Variants in SOS2 observed in about 807,000 individuals in gnomAD.
The protein encoded by SOS2 is SOS Ras/Rho guanine nucleotide exchange factor 2.
SOS2 carries 65 observed loss-of-function variants against 148.2 expected under a neutral mutation model. The observed-to-expected ratio is 0.44, with a 90% CI of 0.36 to 0.54. The LOEUF (loss-of-function observed/expected upper bound fraction) is 0.54, where lower values mean the gene tolerates loss of function less well. SOS2 is among the 20% of genes least tolerant of loss of function. SOS2 has a pLI of 0.00. For missense variants in SOS2, 1,341 were observed against 1,590.2 expected (o/e 0.84, Z 2.67); for synonymous variants, 539 against 537.1 (o/e 1.00, Z -0.05).
rs182051717 is a variant in SOS2, at chr14:50,145,668, A to G, written c.2385-72T>C. On this transcript the variant is annotated intron_variant, in intron 14 of 22. Transcript: ENST00000216373. The stretch of plus-strand genomic sequence containing the variant: ...TTACTTAAAGATCTTCTAAAACTTA[A>G]TAAGAAAAAGACAATTAACCCAAAA... 8.6e-4 allele frequency: 908 copies of G among 1,054,546 alleles called. 12 individuals are homozygous for G. In the East Asian group the frequency reaches 0.021, roughly 24 times the overall value. The allele number at this position is 1,054,546 out of a possible 1,614,324, so 65.3% of individuals were successfully genotyped here. A position where few individuals can be genotyped will look rare whatever the true frequency, so the allele number is the denominator to read the frequency against.
rs1884940423 is a variant in SOS2 at position 50,159,914 on chromosome 14, G to A, written c.1369C>T (p.Arg457Trp). 3 of 1,613,934 alleles carry A rather than the reference G, an allele frequency of 1.9e-6. No individual in the cohort carries two copies. The highest frequency in any genetic ancestry group is 1.3e-5 in the African/African-American group (1 of 74,900). The change falls in exon 10 of 23, where the codon CGG (arginine) becomes TGG (tryptophan). Residue 457 changes from arginine to tryptophan, a missense_variant. Around this residue, in one of 4 missense-constraint regions of SOS2, gnomAD observed 574 missense variants for 711.1 expected, o/e 0.81. Transcript: ENST00000216373. ...PLTRIGAKHE[R>W]HIFLFDGLMI... ...AAGCCATCAAACAGAAAAATATGCC[G>A]TTCATGTTTGGCACCGATTCTTGTC...
intron 14 of SOS2, among the ~76,000 whole-genome samples, chr14:50,146,625 C>G (rs201787286): frequency 1.3e-5 from 2 of 151,872 alleles, no homozygotes; most frequent in African/African-American, 4.8e-5. Context: ...CCAGCCTGGG[C>G]AACAGAGTGA....
At chr14:50,180,548 A>AAAACCTTAAATTTAAGTTT in intron 7 of SOS2, 24 bp downstream of exon 7, 1 of 1,076,706 alleles carries the variant, frequency 9.3e-7, no homozygotes, top group South Asian at 1.5e-5. Flanking sequence ...AAAAAAAAAA[A>AAAACCTTAAATTTAAGTTT]AAAAACCTTC....
At chr14:50,230,306 C>T (rs949359572) in intron 1 of SOS2, among the ~76,000 whole-genome samples, 6 of 152,142 alleles carry the variant, frequency 3.9e-5, no homozygotes, top group Non-Finnish European at 5.9e-5. Context: ...GAGACTAAGT[C>T]TGCATTAACG....
intron 9 of SOS2, among the ~76,000 whole-genome samples, chr14:50,160,943 T>C (rs1429499936): frequency 6.6e-6 from 1 of 151,992 alleles, no homozygotes; most frequent in Admixed American, 6.6e-5. Flanking sequence ...CCCAGGAGGT[T>C]GAGGCTGCTG....
At chr14:50,207,154 G>T (rs1160441322) in intron 1 of SOS2, among the ~76,000 whole-genome samples, 1 of 152,050 alleles carries the variant, frequency 6.6e-6, no homozygotes, top group Non-Finnish European at 1.5e-5. Context: ...TTTTTAAAAA[G>T]ATACTCTCCA....
At chr14:50,187,533 T>C (rs1204697867) in intron 5 of SOS2, among the ~76,000 whole-genome samples, 1 of 151,764 alleles carries the variant, frequency 6.6e-6, no homozygotes, top group African/African-American at 2.4e-5. Flanking sequence ...TATTTTTTAG[T>C]GGAGACGGGG....
chr14:50,168,510 C>T (rs762793535), intron 8 of SOS2, among the ~76,000 whole-genome samples: 1 of 152,244 alleles, frequency 6.6e-6, no homozygotes, highest in Admixed American at 6.5e-5. Context: ...ACATGAGCCA[C>T]TGTGCCTCGC....
In SOS2 at chr14:50,118,445, G is replaced by T; in HGVS notation, c.3898C>A (p.Pro1300Thr). Residue 1300 changes from proline (P) to threonine (T), a missense_variant, in exon 23 of 23, where the codon CCT (proline) becomes ACT (threonine). Transcript: ENST00000216373. ...PPVPPRQNSS[P>T]HLPKLPPKTY... ...TTTGGTGGCAGTTTTGGCAGATGAG[G>T]GCTTGAATTCTGCCTTGGTGGAACA... 6.2e-7 allele frequency: 1 copy of T among 1,614,090 alleles called. No individual in the cohort carries two copies. Among genetic ancestry groups the T allele is most frequent in the Non-Finnish European group, 8.5e-7 (1 of 1,179,986 alleles).
At position 50,118,225 on chromosome 14, in the gene SOS2, G is replaced by T; in HGVS notation, c.*119C>A. ...TTCTTAAAAGCTTATTTGATCAGTAGCATTTTTGTAAGAGCATTATTTGTA... is the reference window on the plus strand; with the variant it reads ...TTCTTAAAAGCTTATTTGATCAGTATCATTTTTGTAAGAGCATTATTTGTA... On this transcript the variant is annotated 3_prime_UTR_variant, in exon 23 of 23. Coordinates refer to ENST00000216373, the MANE Select transcript of SOS2 (RefSeq NM_006939.4). 2.4e-6 allele frequency: 2 copies of T among 824,618 alleles called. No individual in the cohort carries two copies. The highest frequency in any genetic ancestry group is 3.8e-6 in the Non-Finnish European group (2 of 532,282). The allele number at this position is 824,618 out of a possible 1,614,324, so 51.1% of individuals were successfully genotyped here.
chr14:50,180,657 G>A lies in SOS2; in HGVS notation c.884C>T (p.Thr295Ile). 6.3e-7 allele frequency: 1 copy of A among 1,593,068 alleles called. No individual in the cohort carries two copies. The highest frequency in any genetic ancestry group is 8.5e-7 in the Non-Finnish European group (1 of 1,169,606). ...AEEQAFDPYE[T>I]LSQDILSPEF... Reference sequence around the variant, plus strand: ...TGGTGAAAGAATGTCCTGTGATAATGTTTCATAAGGATCAAATGCTTGCTC... The same window carrying A: ...TGGTGAAAGAATGTCCTGTGATAATATTTCATAAGGATCAAATGCTTGCTC... The change falls in exon 7 of 23, where the codon ACA (threonine) becomes ATA (isoleucine). Residue 295 changes from threonine (T) to isoleucine (I), a missense_variant. This residue lies in a region of SOS2 where 574 missense variants were observed against 711.1 expected (regional missense o/e 0.81). Coordinates refer to ENST00000216373, the MANE Select transcript of SOS2 (RefSeq NM_006939.4).
chr14:50,207,219 T>C (rs1886689653), intron 1 of SOS2, among the ~76,000 whole-genome samples: 1 of 152,192 alleles, frequency 6.6e-6, no homozygotes, highest in African/African-American at 2.4e-5. Context: ...ATGAAAATTA[T>C]AGGCCATTTT....
At chr14:50,217,379 T>TA (rs1298328708) in intron 1 of SOS2, among the ~76,000 whole-genome samples, 1 of 152,098 alleles carries the variant, frequency 6.6e-6, no homozygotes, top group African/African-American at 2.4e-5. Flanking sequence ...GAGTCATAGA[T>TA]ATAAATATAA....
chr14:50,224,312 TATACAC>T lies in SOS2; in HGVS notation c.87+6879_87+6884del, dbSNP rs1327926988. Among the ~76,000 whole-genome samples the T allele has an allele frequency of 6.5e-3, 344 of 53,236 alleles. 9 individuals carry two copies. The highest frequency in any genetic ancestry group is 0.027 in the Middle Eastern group (3 of 110). 34.9% of individuals were successfully genotyped at this position (53,236 alleles called of 152,430 possible). A position where few individuals can be genotyped will look rare whatever the true frequency, so the allele number is the denominator to read the frequency against. ...TCTCAGGAAAAAAAAAAAATATATA[TATACAC>T]ACACACACACACACACACACACACA... is the stretch of plus-strand genomic sequence containing the variant. On this transcript the variant is annotated intron_variant, in intron 1 of 22. Transcript: ENST00000216373.
chr14:50,220,785 A>C (rs1042265266), intron 1 of SOS2, among the ~76,000 whole-genome samples: 3 of 152,206 alleles, frequency 2.0e-5, no homozygotes, highest in Admixed American at 2.0e-4. Context: ...GCTTACCATA[A>C]TATAATCAAA....
chr14:50,157,874 T>C (rs1189827506), intron 11 of SOS2, among the ~76,000 whole-genome samples: 1 of 152,158 alleles, frequency 6.6e-6, no homozygotes, highest in Admixed American at 6.5e-5. Context: ...TAATACTAGG[T>C]AAAACAAATT....
intron 4 of SOS2, 63 bp downstream of exon 4, chr14:50,199,628 G>T: frequency 1.0e-6 from 1 of 973,096 alleles, no homozygotes; most frequent in Non-Finnish European, 1.5e-6. Flanking sequence ...TACACAAAAA[G>T]ATTGAGGCAG....
At chr14:50,209,686 AG>A (rs1438138638) in intron 1 of SOS2, among the ~76,000 whole-genome samples, 1 of 151,606 alleles carries the variant, frequency 6.6e-6, no homozygotes, top group Non-Finnish European at 1.5e-5. Context: ...CTGAACCCGG[AG>A]GTCGAGGCTG....
At chr14:50,212,347 AC>A (rs1041528025) in intron 1 of SOS2, among the ~76,000 whole-genome samples, 2 of 152,166 alleles carry the variant, frequency 1.3e-5, no homozygotes, top group African/African-American at 2.4e-5. Context: ...GGTGGTGCAC[AC>A]CTGTAGTCCC....
Sources: gnomAD v4.1 joint callset for allele counts (sites outside exome capture counted in the v4.1 genomes callset) on GRCh38, gnomAD v4.1.1 for gene constraint, gnomAD v4.1.1 regional missense constraint, MANE v1.5 for transcripts, NCBI Gene and HGNC (gene_info 2026-07-23, HGNC 2026-07-21) for gene names.